The following RCSD1 variants were observed in gnomAD, a reference collection of about 807,000 sequenced individuals.
RCSD1 encodes the protein RCSD domain containing 1.
RCSD1 carries 26 observed loss-of-function variants against 42.5 expected under a neutral mutation model. That is an observed-to-expected ratio of 0.61 (90% CI 0.45 to 0.85). The LOEUF (loss-of-function observed/expected upper bound fraction) is 0.85, where lower values mean the gene tolerates loss of function less well. Ranked by LOEUF, RCSD1 falls within the 40% of genes least tolerant of loss-of-function variation. The probability of loss-of-function intolerance (pLI) is 0.00; values close to 1 mark genes in which losing one functional copy is unlikely to be tolerated. For synonymous variants in RCSD1, 220 were observed against 212.2 expected, an observed-to-expected ratio of 1.04 and a Z score of -0.32; for missense variants, 571 against 528.3, an observed-to-expected ratio of 1.08 and a Z score of -0.79.
rs1659723971 is a variant in RCSD1, at chr1:167,704,980, T to C, written c.*284T>C. On this transcript the variant is annotated 3_prime_UTR_variant, in exon 7 of 7. Transcript: ENST00000367854. ...AGAACTTACTTAAAACAATGTACTG[T>C]GGTGATGAGTCCCAGGGGCACTGGT... 1 of 373,342 alleles carries C rather than the reference T, an allele frequency of 2.7e-6. No homozygotes were observed. Among genetic ancestry groups the C allele is most frequent in the East Asian group, 5.8e-5 (1 of 17,156 alleles). 23.1% of individuals were successfully genotyped at this position (373,342 alleles called of 1,614,324 possible). A position where few individuals can be genotyped will look rare whatever the true frequency, so the allele number is the denominator to read the frequency against.
chr1:167,636,696 C>T (rs1657864436), intron 1 of RCSD1, among the ~76,000 whole-genome samples: 1 of 152,152 alleles, frequency 6.6e-6, no homozygotes, highest in Non-Finnish European at 1.5e-5. Flanking sequence ...AGGCAATTCT[C>T]CTGCCTCAGC....
chr1:167,633,804 C>G (rs372167111), intron 1 of RCSD1: 3 of 152,302 alleles, frequency 2.0e-5, no homozygotes, highest in African/African-American at 7.2e-5. Context: ...GCAAGGGAAC[C>G]AGGTGAGAAA....
intron 3 of RCSD1, among the ~76,000 whole-genome samples, chr1:167,687,595 T>C (rs1222777287): frequency 6.6e-6 from 1 of 152,040 alleles, no homozygotes; most frequent in Non-Finnish European, 1.5e-5. Flanking sequence ...GCAGGGCTAA[T>C]TGGAGGCTGC....
At chr1:167,673,224 T>G (rs1433894767) in intron 1 of RCSD1, among the ~76,000 whole-genome samples, 1 of 152,234 alleles carries the variant, frequency 6.6e-6, no homozygotes, top group Non-Finnish European at 1.5e-5. Flanking sequence ...GACATGACAA[T>G]GATTCCTTTT....
Position 167,656,482 on chromosome 1 carries a change from A to G in RCSD1, c.6+26053A>G, listed in dbSNP as rs543010725. On this transcript the variant is annotated intron_variant, in intron 1 of 6. Coordinates refer to ENST00000367854, the MANE Select transcript of RCSD1 (RefSeq NM_052862.4). ...GGTTCTTCTTTGTTTTCCTTTTTTA[A>G]TTGAGCAAATTTTTAAAATCAATAG... Among the ~76,000 whole-genome samples, 6 of 152,280 alleles carry G rather than the reference A, an allele frequency of 3.9e-5. No individual in the cohort carries two copies. In the South Asian group the frequency reaches 1.2e-3, roughly 32 times the overall value.
chr1:167,686,480 T>TAAAC (rs1659239416), intron 3 of RCSD1, among the ~76,000 whole-genome samples: 1 of 152,202 alleles, frequency 6.6e-6, no homozygotes, highest in Non-Finnish European at 1.5e-5. Flanking sequence ...CTAAGGCTTA[T>TAAAC]AAACAGAAGC....
rs548321127 is a variant in RCSD1 at position 167,707,257 on chromosome 1, T to C, written c.*2561T>C. On this transcript the variant is annotated 3_prime_UTR_variant, in exon 7 of 7. Transcript: ENST00000367854. ...TGCCCAGTTTTTCATGCAGGTTTTG[T>C]CCTATGACCAGTTAACTACATGTTC... Among the ~76,000 whole-genome samples, 1 of 152,358 alleles carries C rather than the reference T, an allele frequency of 6.6e-6. No homozygotes were observed. The highest frequency in any genetic ancestry group is 6.5e-5 in the Admixed American group (1 of 15,308).
intron 1 of RCSD1, among the ~76,000 whole-genome samples, chr1:167,634,409 A>G (rs1657780159): frequency 6.6e-6 from 1 of 151,796 alleles, no homozygotes; most frequent in Non-Finnish European, 1.5e-5. Context: ...GTGTTTAGAT[A>G]TGTTGGTTTT....
At chr1:167,694,751 G>T (rs897866489) in intron 5 of RCSD1, among the ~76,000 whole-genome samples, 29 of 152,192 alleles carry the variant, frequency 1.9e-4, no homozygotes, top group African/African-American at 7.0e-4. Context: ...AAGTGTCCCA[G>T]TGTGGACTCA....
At chr1:167,643,525 A>G (rs1170503856) in intron 1 of RCSD1, among the ~76,000 whole-genome samples, 3 of 152,260 alleles carry the variant, frequency 2.0e-5, no homozygotes, top group African/African-American at 7.2e-5. Context: ...CTAACATCCA[A>G]TGATGAGCAT....
chr1:167,659,713 A>G lies in RCSD1; in HGVS notation c.7-24187A>G, dbSNP rs148132421. 1.2e-3 allele frequency among the ~76,000 whole-genome samples: 178 copies of G among 152,252 alleles called. 2 individuals are homozygous for G. Among genetic ancestry groups the G allele is most frequent in the Non-Finnish European group, 1.3e-3 (87 of 68,012 alleles). On this transcript the variant is annotated intron_variant, in intron 1 of 6. Transcript: ENST00000367854. ...CTAGCTCCAGCTTTTAGCTTCTGTC[A>G]TCTCTTTCCTCCCTTGTCAGCCCCC...
intron 1 of RCSD1, among the ~76,000 whole-genome samples, chr1:167,636,958 G>C (rs1657875907): frequency 6.6e-6 from 1 of 152,274 alleles, no homozygotes; most frequent in South Asian, 2.1e-4. Flanking sequence ...GATCTAAAGG[G>C]GTACGTATCT....
intron 4 of RCSD1, among the ~76,000 whole-genome samples, chr1:167,692,602 C>T (rs1364725583): frequency 2.6e-5 from 4 of 151,882 alleles, no homozygotes; most frequent in African/African-American, 4.8e-5. Flanking sequence ...CTCAAGCAAT[C>T]CTCCCACCTC....
chr1:167,655,953 G>C (rs1046930668), intron 1 of RCSD1, among the ~76,000 whole-genome samples: 5 of 152,164 alleles, frequency 3.3e-5, no homozygotes, highest in Admixed American at 2.6e-4. Flanking sequence ...CCCATTATGG[G>C]AAATCCTCTT....
intron 1 of RCSD1, among the ~76,000 whole-genome samples, chr1:167,670,136 A>T (rs1377376990): frequency 6.6e-6 from 1 of 152,124 alleles, no homozygotes; most frequent in South Asian, 2.1e-4. Context: ...CCTGGAGACC[A>T]ACCACCCTTC....
chr1:167,675,752 G>A (rs1477440979), intron 1 of RCSD1, among the ~76,000 whole-genome samples: 1 of 152,158 alleles, frequency 6.6e-6, no homozygotes, highest in Admixed American at 6.6e-5. Flanking sequence ...GCTCAGGGTT[G>A]GGGTGAGAGT....
intron 1 of RCSD1, among the ~76,000 whole-genome samples, chr1:167,673,377 C>T (rs943907055): frequency 1.3e-5 from 2 of 152,220 alleles, no homozygotes; most frequent in Admixed American, 6.5e-5. Context: ...CTCATCATCT[C>T]GGCTTAAGAA....
chr1:167,698,538 G>A (rs956072726), intron 6 of RCSD1, among the ~76,000 whole-genome samples: 5 of 152,146 alleles, frequency 3.3e-5, no homozygotes, highest in African/African-American at 1.2e-4. Context: ...GCCTGGGCCT[G>A]CATTTACTGG....
At chr1:167,673,965 G>C (rs1009270495) in intron 1 of RCSD1, among the ~76,000 whole-genome samples, 8 of 152,150 alleles carry the variant, frequency 5.3e-5, no homozygotes, top group African/African-American at 1.9e-4. Context: ...AGCTTCCATT[G>C]CAGTGTTATG....
Sources: allele counts gnomAD v4.1 joint callset (sites outside exome capture counted in the v4.1 genomes callset), GRCh38; gene constraint gnomAD v4.1.1; transcripts MANE v1.5; gene names NCBI Gene and HGNC (gene_info 2026-07-23, HGNC 2026-07-21).